The following CNTN6 variants were observed in gnomAD, a reference collection of about 807,000 sequenced individuals.
CNTN6 encodes contactin 6, also known as contactin-6.
In CNTN6, 137 loss-of-function variants were observed where a neutral mutation model predicts 122.8. The ratio of observed to expected loss-of-function variants is 1.12; its 90% CI spans 0.97 to 1.29. The LOEUF is 1.29. CNTN6 is among the 50% of genes most tolerant of loss of function. The pLI is 0.00. For missense variants in CNTN6, 1,634 were observed against 1,223.4 expected, an observed-to-expected ratio of 1.34 and a Z score of -5.01; for synonymous variants, 570 against 426.0, an observed-to-expected ratio of 1.34 and a Z score of -4.16.
chr3:1,220,154 GA>G (rs2094188064), intron 2 of CNTN6, among the ~76,000 whole-genome samples: 1 of 151,926 alleles, frequency 6.6e-6, no homozygotes, highest in South Asian at 2.1e-4. Context: ...TCAGGAGTTT[GA>G]GACCAGCTTG....
chr3:1,204,547 T>A (rs2093931605), intron 2 of CNTN6, among the ~76,000 whole-genome samples: 1 of 138,382 alleles, frequency 7.2e-6, no homozygotes, highest in South Asian at 2.3e-4. Flanking sequence ...CCTGCTGTTG[T>A]TTCTGCTCAC....
intron 18 of CNTN6, 33 bp downstream of exon 18, chr3:1,383,209 A>T: frequency 6.3e-7 from 1 of 1,596,448 alleles, no homozygotes; most frequent in Non-Finnish European, 8.6e-7. Context: ...TTTCTTTGAG[A>T]CTCTATGCAT....
At position 1,383,174 on chromosome 3, in the gene CNTN6, A is replaced by G. The variant is rs758982570; in HGVS notation, c.2399A>G (p.Asp800Gly). Residue 800 changes from aspartate (D) to glycine (G), a missense_variant and splice_region_variant, in exon 18 of 23, where the codon GAT (aspartate) becomes GGT (glycine). Transcript: ENST00000446702. ...STVTIVYSGEDEPQLAPRGTS... is the reference protein window; with the variant it reads ...STVTIVYSGEGEPQLAPRGTS... ...GTGACCATTGTCTACTCTGGGGAAG[A>G]TGGTAAGTTGTCCTCAACTCTGGTT... is the stretch of plus-strand genomic sequence containing the variant. The G allele has an allele frequency of 1.9e-6, 3 of 1,612,086 alleles. No homozygotes were observed. Among genetic ancestry groups the G allele is most frequent in the Non-Finnish European group, 2.5e-6 (3 of 1,178,222 alleles).
intron 1 of CNTN6, among the ~76,000 whole-genome samples, chr3:1,114,811 T>A (rs2091642000): frequency 6.6e-6 from 1 of 152,190 alleles, no homozygotes; most frequent in Non-Finnish European, 1.5e-5. Flanking sequence ...AAATTTCATT[T>A]TCAATGAAAC....
chr3:1,100,939 A>G (rs535638207), intron 1 of CNTN6, among the ~76,000 whole-genome samples: 2 of 152,162 alleles, frequency 1.3e-5, no homozygotes, highest in South Asian at 2.1e-4. Context: ...ATGGTGGTTC[A>G]TTCTTCCTGG....
At chr3:1,137,340 G>T (rs748341955) in intron 1 of CNTN6, among the ~76,000 whole-genome samples, 1 of 152,212 alleles carries the variant, frequency 6.6e-6, no homozygotes, top group Non-Finnish European at 1.5e-5. Context: ...ATGGACTAGT[G>T]ATGCCAAATT....
intron 4 of CNTN6, among the ~76,000 whole-genome samples, chr3:1,244,713 G>A (rs1032769125): frequency 3.0e-4 from 46 of 152,236 alleles, no homozygotes; most frequent in African/African-American, 9.1e-4. Context: ...GGCTGAGTCC[G>A]AAAAGAGAGT....
intron 4 of CNTN6, among the ~76,000 whole-genome samples, chr3:1,233,402 C>A (rs6805852): frequency 6.7e-6 from 1 of 148,596 alleles, no homozygotes; most frequent in African/African-American, 2.5e-5. Context: ...AGCAATGGAA[C>A]CGTTCTGAAT....
At chr3:1,379,735 C>T (rs534259884) in intron 17 of CNTN6, among the ~76,000 whole-genome samples, 1 of 152,190 alleles carries the variant, frequency 6.6e-6, no homozygotes, top group East Asian at 1.9e-4. Context: ...CAGATACTTG[C>T]AGAAAGTAAA....
chr3:1,231,133 A>G (rs1217796662), intron 4 of CNTN6, among the ~76,000 whole-genome samples: 1 of 152,206 alleles, frequency 6.6e-6, no homozygotes, highest in Non-Finnish European at 1.5e-5. Flanking sequence ...GATATCCTCA[A>G]TAAATCATAT....
At chr3:1,359,893 G>T (rs576394137) in intron 12 of CNTN6, among the ~76,000 whole-genome samples, 1 of 151,992 alleles carries the variant, frequency 6.6e-6, no homozygotes, top group Non-Finnish European at 1.5e-5. Flanking sequence ...CCCTTCTTTT[G>T]TTCGTTTGCT....
At chr3:1,400,764 CATG>C (rs1695581443) in intron 20 of CNTN6, among the ~76,000 whole-genome samples, 1 of 152,076 alleles carries the variant, frequency 6.6e-6, no homozygotes, top group Non-Finnish European at 1.5e-5. Context: ...GGTGAACAGT[CATG>C]ATTTCTGCCG....
At chr3:1,212,371 T>C (rs2094053988) in intron 2 of CNTN6, among the ~76,000 whole-genome samples, 1 of 150,894 alleles carries the variant, frequency 6.6e-6, no homozygotes, top group African/African-American at 2.4e-5. Flanking sequence ...GCCTCTCTAA[T>C]AAAACATTTT....
intron 7 of CNTN6, among the ~76,000 whole-genome samples, chr3:1,320,921 A>G (rs1700753545): frequency 6.6e-6 from 1 of 151,704 alleles, no homozygotes; most frequent in Admixed American, 6.6e-5. Context: ...AGTAGACGAA[A>G]TTAATATTAA....
At chr3:1,198,646 C>T (rs1199303466) in intron 2 of CNTN6, among the ~76,000 whole-genome samples, 1 of 151,368 alleles carries the variant, frequency 6.6e-6, no homozygotes, top group Non-Finnish European at 1.5e-5. Flanking sequence ...TGCTTGAGCC[C>T]GGGAGATGGA....
chr3:1,390,217 G>A lies in CNTN6; in HGVS notation c.2704+4420G>A, dbSNP rs563654395. 3.3e-5 allele frequency among the ~76,000 whole-genome samples: 5 copies of A among 152,052 alleles called. No homozygotes were observed. In the South Asian group the frequency reaches 6.2e-4, roughly 19 times the overall value. On this transcript the variant is annotated intron_variant, in intron 20 of 22. Transcript: ENST00000446702. Reference sequence around the variant, plus strand: ...GAGATTATAACAAACTATCTCTCAGGCCACAGTGCAATCAAACTAGAACTC... The same window carrying A: ...GAGATTATAACAAACTATCTCTCAGACCACAGTGCAATCAAACTAGAACTC...
chr3:1,258,270 T>C (rs913588807), intron 4 of CNTN6, among the ~76,000 whole-genome samples: 4 of 152,296 alleles, frequency 2.6e-5, no homozygotes, highest in African/African-American at 9.6e-5. Context: ...ATTGTAGCAG[T>C]ATGACTGAAA....
chr3:1,269,048 G>A (rs148784348), intron 4 of CNTN6, among the ~76,000 whole-genome samples: 9 of 152,126 alleles, frequency 5.9e-5, no homozygotes, highest in African/African-American at 1.2e-4. Context: ...ATGTGCCCTC[G>A]TATCATCAGT....
At chr3:1,308,530 A>G (rs1416627195) in intron 7 of CNTN6, among the ~76,000 whole-genome samples, 1 of 152,058 alleles carries the variant, frequency 6.6e-6, no homozygotes, top group African/African-American at 2.4e-5. Context: ...TGACAGAGAA[A>G]AGAAGTATGT....
Sources: gnomAD v4.1 joint callset for allele counts (sites outside exome capture counted in the v4.1 genomes callset) on GRCh38, gnomAD v4.1.1 for gene constraint, MANE v1.5 for transcripts, NCBI Gene and HGNC (gene_info 2026-07-23, HGNC 2026-07-21) for gene names.